The following EYS variants were observed in gnomAD, a reference collection of about 807,000 sequenced individuals.
The protein encoded by EYS is EGF-like photoreceptor maintenance factor, also known as protein eyes shut homolog.
In EYS, 250 loss-of-function variants were observed where a neutral mutation model predicts 282.1. That is an observed-to-expected ratio of 0.89 (90% CI 0.80 to 0.98). The LOEUF (loss-of-function observed/expected upper bound fraction) is 0.98, where lower values mean the gene tolerates loss of function less well. Ranked by LOEUF, EYS falls within the 50% of genes least tolerant of loss-of-function variation. The pLI, the probability that EYS is intolerant of heterozygous loss-of-function variation, is 0.00. For synonymous variants in EYS, 1,355 were observed against 1,282.9 expected (o/e 1.06, Z -1.20); for missense variants, 4,016 against 3,709.0 (o/e 1.08, Z -2.15).
chr6:63,802,428 A>G (rs1282236778), intron 37 of EYS, among the ~76,000 whole-genome samples: 1 of 152,176 alleles, frequency 6.6e-6, no homozygotes, highest in African/African-American at 2.4e-5. Context: ...ACAAACCTGC[A>G]CGTTCTGCAC....
At chr6:65,364,843 A>C in intron 8 of EYS, among the ~76,000 whole-genome samples, 1 of 151,752 alleles carries the variant, frequency 6.6e-6, no homozygotes, top group East Asian at 1.9e-4. Flanking sequence ...TTAAAAAATG[A>C]AATGTGTTTC....
chr6:64,085,946 T>C (rs1188545464), intron 31 of EYS, among the ~76,000 whole-genome samples: 1 of 152,218 alleles, frequency 6.6e-6, no homozygotes, highest in Non-Finnish European at 1.5e-5. Context: ...GAAATCTCCA[T>C]AATACTAAGC....
In EYS at chr6:64,841,979, A is replaced by C. The variant is rs567426847; in HGVS notation, c.2993-19157T>G. Among the ~76,000 whole-genome samples, 30 of 152,248 alleles carry C rather than the reference A, an allele frequency of 2.0e-4. No homozygotes were observed. The South Asian group carries it at 3.7e-3, about 19-fold the overall frequency. On this transcript the variant is annotated intron_variant, in intron 19 of 42. Coordinates refer to ENST00000503581, the MANE Select transcript of EYS (RefSeq NM_001142800.2). ...AAATGTCAATAAGCCCAATTTCTTC[A>C]TAAATTCCAGGATTAGATGGCTTTG...
At chr6:65,260,106 G>A (rs544312134) in intron 12 of EYS, among the ~76,000 whole-genome samples, 85 of 152,148 alleles carry the variant, frequency 5.6e-4, no homozygotes, top group African/African-American at 2.0e-3. Context: ...AGGCGAAGGG[G>A]AAGCAAGCAA....
chr6:63,743,667 T>C (rs904833683), intron 41 of EYS, among the ~76,000 whole-genome samples: 10 of 152,230 alleles, frequency 6.6e-5, no homozygotes, highest in African/African-American at 2.4e-4. Context: ...TCCAAAACTA[T>C]ATCCAGATTC....
At chr6:64,380,862 A>G (rs1772722244) in intron 29 of EYS, among the ~76,000 whole-genome samples, 1 of 152,044 alleles carries the variant, frequency 6.6e-6, no homozygotes, top group Non-Finnish European at 1.5e-5. Context: ...TAAAAATACA[A>G]AAAGCAGCCA....
At chr6:65,574,070 C>A (rs1446588517) in intron 2 of EYS, among the ~76,000 whole-genome samples, 1 of 152,156 alleles carries the variant, frequency 6.6e-6, no homozygotes, top group East Asian at 1.9e-4. Context: ...TCCCTGCGCC[C>A]TAGGCACTAG....
chr6:64,366,403 G>T (rs1461708048), intron 29 of EYS, among the ~76,000 whole-genome samples: 1 of 152,012 alleles, frequency 6.6e-6, no homozygotes, highest in Non-Finnish European at 1.5e-5. Flanking sequence ...GAAAGAGAGA[G>T]AGATAGAGAT....
chr6:65,432,605 G>A (rs924220218), intron 5 of EYS, among the ~76,000 whole-genome samples: 5 of 152,062 alleles, frequency 3.3e-5, no homozygotes, highest in African/African-American at 1.2e-4. Flanking sequence ...TGGGAGAGTG[G>A]GAGACCAGGT....
intron 29 of EYS, among the ~76,000 whole-genome samples, chr6:64,368,679 A>G (rs1276970382): frequency 6.6e-6 from 1 of 151,974 alleles, no homozygotes; most frequent in Non-Finnish European, 1.5e-5. Flanking sequence ...AGCATTTTTC[A>G]TATGTTTGTT....
chr6:65,043,900 G>T (rs1261759585), intron 13 of EYS, among the ~76,000 whole-genome samples: 1 of 151,596 alleles, frequency 6.6e-6, no homozygotes, highest in African/African-American at 2.4e-5. Context: ...TACATACCCA[G>T]AAATGGAATT....
At chr6:64,130,222 A>T (rs948024605) in intron 31 of EYS, among the ~76,000 whole-genome samples, 18 of 152,230 alleles carry the variant, frequency 1.2e-4, no homozygotes, top group Non-Finnish European at 2.2e-4. Context: ...AAAGACTTGG[A>T]ACCAACCCAA....
intron 14 of EYS, among the ~76,000 whole-genome samples, chr6:64,978,665 T>G (rs1770553207): frequency 6.6e-6 from 1 of 151,926 alleles, no homozygotes; most frequent in South Asian, 2.1e-4. Context: ...CTGGAAAAGA[T>G]TCACAATTCT....
At position 65,300,897 on chromosome 6, in the gene EYS, C is replaced by T. The variant is rs529649485; in HGVS notation, c.1767-4778G>A. On this transcript the variant is annotated intron_variant, in intron 11 of 42. Transcript: ENST00000503581. The stretch of plus-strand genomic sequence containing the variant: ...TTAATTTCTCCTCTGTAGTATTGCA[C>T]CACATCCCTGGGCTCTGTGTATTGC... 13 of 152,258 alleles carry T rather than the reference C, an allele frequency of 8.5e-5. No individual in the cohort carries two copies. In the South Asian group the frequency reaches 2.7e-3, roughly 32 times the overall value. The allele number at this position is 152,258 out of a possible 1,614,324, so 9.4% of individuals were successfully genotyped here.
intron 36 of EYS, among the ~76,000 whole-genome samples, chr6:63,816,026 G>A (rs920044162): frequency 6.6e-6 from 1 of 152,122 alleles, no homozygotes; most frequent in Non-Finnish European, 1.5e-5. Flanking sequence ...ACTAGAAGAA[G>A]GCAGTGGCAT....
At chr6:63,851,208 C>T (rs1017631173) in intron 36 of EYS, among the ~76,000 whole-genome samples, 2 of 152,158 alleles carry the variant, frequency 1.3e-5, no homozygotes, top group African/African-American at 4.8e-5. Context: ...GACTTAGATT[C>T]GCACACAATA....
At chr6:64,225,063 T>C (rs7767947) in intron 31 of EYS, among the ~76,000 whole-genome samples, 9 of 152,102 alleles carry the variant, frequency 5.9e-5, no homozygotes, top group African/African-American at 1.9e-4. Context: ...ACATGGCACA[T>C]GTCCAGTGCT....
At chr6:64,600,588 C>G (rs780231110) in intron 24 of EYS, among the ~76,000 whole-genome samples, 4 of 152,018 alleles carry the variant, frequency 2.6e-5, no homozygotes, top group Non-Finnish European at 5.9e-5. Flanking sequence ...ATGTAGGGTT[C>G]ATGATAATAA....
intron 5 of EYS, among the ~76,000 whole-genome samples, chr6:65,445,009 G>A (rs768900861): frequency 6.6e-6 from 1 of 151,086 alleles, no homozygotes; most frequent in African/African-American, 2.4e-5. Context: ...TTTGTTTCTC[G>A]ATTAATCTGA....
Sources: allele counts gnomAD v4.1 joint callset (sites outside exome capture counted in the v4.1 genomes callset), GRCh38; gene constraint gnomAD v4.1.1; transcripts MANE v1.5; gene names NCBI Gene and HGNC (gene_info 2026-07-23, HGNC 2026-07-21).